Variants in PRKG1 observed in about 807,000 individuals in gnomAD.
PRKG1 encodes cGMP-dependent protein kinase 1.
PRKG1 carries 35 observed loss-of-function variants against 88.1 expected under a neutral mutation model. That is an observed-to-expected ratio of 0.40 (90% CI 0.30 to 0.53). The LOEUF is 0.53. PRKG1 is among the 20% of genes least tolerant of loss of function. The probability of loss-of-function intolerance (pLI) is 0.59; values close to 1 mark genes in which losing one functional copy is unlikely to be tolerated. For missense variants in PRKG1, 540 were observed against 839.8 expected, an observed-to-expected ratio of 0.64 and a Z score of 4.41; for synonymous variants, 303 against 292.5, an observed-to-expected ratio of 1.04 and a Z score of -0.37.
chr10:51,741,887 C>T (rs1277384170), intron 3 of PRKG1, among the ~76,000 whole-genome samples: 1 of 152,184 alleles, frequency 6.6e-6, no homozygotes, highest in African/African-American at 2.4e-5. Context: ...AGTGGCAGAT[C>T]ACCAACTGGA....
At position 51,653,270 on chromosome 10, in the gene PRKG1, T is replaced by C. The variant is rs531499463; in HGVS notation, c.593-151315T>C. Among the ~76,000 whole-genome samples the C allele has an allele frequency of 3.9e-5, 6 of 152,298 alleles. No homozygotes were observed. In the East Asian group the frequency reaches 1.2e-3, roughly 29 times the overall value. On this transcript the variant is annotated intron_variant, in intron 3 of 17. Coordinates refer to ENST00000373980, the MANE Select transcript of PRKG1 (RefSeq NM_006258.4). ...CATATGGTAGTTCTATTTTTAATTT[T>C]TTTTAGCAATCTCCACAGTGTTTTT...
chr10:51,642,286 G>C (rs1839819745), intron 3 of PRKG1, among the ~76,000 whole-genome samples: 1 of 152,018 alleles, frequency 6.6e-6, no homozygotes, highest in South Asian at 2.1e-4. Context: ...GCTACTCAGG[G>C]GGCTGAGGCA....
chr10:51,076,194 A>C (rs1354054836), intron 1 of PRKG1, among the ~76,000 whole-genome samples: 2 of 152,206 alleles, frequency 1.3e-5, no homozygotes, highest in Non-Finnish European at 1.5e-5. Flanking sequence ...CCCATGGAAC[A>C]TTTGCTGTTC....
intron 2 of PRKG1, among the ~76,000 whole-genome samples, chr10:51,354,428 C>T (rs542418825): frequency 6.6e-6 from 1 of 152,034 alleles, no homozygotes. Flanking sequence ...ACCTTATAAA[C>T]ATATACAGCT....
intron 4 of PRKG1, among the ~76,000 whole-genome samples, chr10:51,875,653 T>A (rs970494398): frequency 1.3e-5 from 2 of 152,220 alleles, no homozygotes; most frequent in Admixed American, 1.3e-4. Flanking sequence ...CGACTTTCCA[T>A]GGACATTTAA....
rs115839702 is a variant in PRKG1 at position 51,887,502 on chromosome 10, A to G, written c.699-20005A>G. On this transcript the variant is annotated intron_variant, in intron 4 of 17. Transcript: ENST00000373980. ...TTGAGGAAACTCAATACTGTTTCCC[A>G]CAGTGGCTACACCACCCTATATTCC... Among the ~76,000 whole-genome samples, 795 of 152,318 alleles carry G rather than the reference A, an allele frequency of 5.2e-3. 6 individuals carry two copies. The highest frequency in any genetic ancestry group is 0.018 in the African/African-American group (757 of 41,572).
At chr10:51,086,624 G>A (rs368300954) in intron 1 of PRKG1, among the ~76,000 whole-genome samples, 1 of 152,130 alleles carries the variant, frequency 6.6e-6, no homozygotes, top group Non-Finnish European at 1.5e-5. Context: ...CTTAGAAAAT[G>A]GAGAACAGAA....
chr10:51,746,962 C>T (rs1837597994), intron 3 of PRKG1, among the ~76,000 whole-genome samples: 1 of 152,088 alleles, frequency 6.6e-6, no homozygotes, highest in South Asian at 2.1e-4. Context: ...GCTTTTCTGG[C>T]TACCACCTTA....
At chr10:51,233,130 A>G in intron 2 of PRKG1, among the ~76,000 whole-genome samples, 1 of 152,190 alleles carries the variant, frequency 6.6e-6, no homozygotes, top group East Asian at 1.9e-4. Context: ...CAAAGATAAG[A>G]ACCTGGTGGA....
intron 2 of PRKG1, among the ~76,000 whole-genome samples, chr10:51,279,326 G>A (rs1302260103): frequency 6.6e-6 from 1 of 152,156 alleles, no homozygotes; most frequent in Non-Finnish European, 1.5e-5. Context: ...GAGACAGTTT[G>A]TTATAATTTC....
At chr10:52,032,022 C>T (rs1845487424) in intron 5 of PRKG1, among the ~76,000 whole-genome samples, 1 of 152,086 alleles carries the variant, frequency 6.6e-6, no homozygotes, top group South Asian at 2.1e-4. Context: ...TCTTAAATGT[C>T]ACAGCAAGAG....
intron 2 of PRKG1, among the ~76,000 whole-genome samples, chr10:51,342,938 T>G (rs982935607): frequency 6.6e-6 from 1 of 152,108 alleles, no homozygotes; most frequent in Non-Finnish European, 1.5e-5. Context: ...ATGAGAAATG[T>G]GAAAAACAAA....
At chr10:51,035,039 T>C (rs753673468) in intron 1 of PRKG1, among the ~76,000 whole-genome samples, 37 of 152,192 alleles carry the variant, frequency 2.4e-4, no homozygotes, top group Non-Finnish European at 4.7e-4. Context: ...AAAATACGTA[T>C]ATTCTGGGAA....
At position 52,109,983 on chromosome 10, in the gene PRKG1, C is replaced by T. The variant is rs187353365; in HGVS notation, c.936-23857C>T. On this transcript the variant is annotated intron_variant, in intron 7 of 17. Transcript: ENST00000373980. ...CCTTGACATTGTAAAGTCATTGTAA[C>T]AGTGCAAAGATCAGGGTCATGATGT... Among the ~76,000 whole-genome samples, 578 of 151,864 alleles carry T rather than the reference C, an allele frequency of 3.8e-3. 4 individuals carry two copies. The highest frequency in any genetic ancestry group is 4.9e-3 in the Non-Finnish European group (334 of 67,994).
chr10:51,801,242 A>G (rs1356870802), intron 3 of PRKG1, among the ~76,000 whole-genome samples: 1 of 152,178 alleles, frequency 6.6e-6, no homozygotes, highest in African/African-American at 2.4e-5. Flanking sequence ...CAGAGACAAT[A>G]TGTAAATGAA....
chr10:51,913,638 A>G (rs1842274519), intron 5 of PRKG1, among the ~76,000 whole-genome samples: 1 of 152,176 alleles, frequency 6.6e-6, no homozygotes, highest in Non-Finnish European at 1.5e-5. Context: ...CAGACCAAAC[A>G]CAGTAATCTC....
At chr10:51,154,544 T>A (rs1846158362) in intron 2 of PRKG1, among the ~76,000 whole-genome samples, 1 of 152,034 alleles carries the variant, frequency 6.6e-6, no homozygotes, top group Non-Finnish European at 1.5e-5. Flanking sequence ...CACAACATAA[T>A]AATAAGTATT....
intron 1 of PRKG1, among the ~76,000 whole-genome samples, chr10:51,129,456 TAAAC>T (rs1316077645): frequency 9.9e-5 from 14 of 141,616 alleles, no homozygotes; most frequent in Non-Finnish European, 2.0e-4. Flanking sequence ...AATAAATAAA[TAAAC>T]AAAGAAAAAA....
intron 5 of PRKG1, among the ~76,000 whole-genome samples, chr10:51,965,182 G>T (rs1411461850): frequency 6.6e-6 from 1 of 152,082 alleles, no homozygotes; most frequent in Non-Finnish European, 1.5e-5. Context: ...CATCAATGAG[G>T]TATTAAGCCT....
Sources: gnomAD v4.1 joint callset for allele counts (sites outside exome capture counted in the v4.1 genomes callset) on GRCh38, gnomAD v4.1.1 for gene constraint, MANE v1.5 for transcripts, NCBI Gene and HGNC (gene_info 2026-07-23, HGNC 2026-07-21) for gene names.